Variants in CD2AP observed in about 807,000 individuals in gnomAD.
CD2AP encodes CD2 associated protein, also known as CD2-associated protein.
Under a neutral mutation model 85.1 loss-of-function variants are expected in CD2AP, and 46 were observed. The observed-to-expected ratio is 0.54, with a 90% CI of 0.43 to 0.69. The LOEUF is 0.69. Among genes scored for constraint, CD2AP ranks in the 30% least tolerant of loss-of-function variants. The pLI, the probability that CD2AP is intolerant of heterozygous loss-of-function variation, is 0.00. For synonymous variants in CD2AP, 255 were observed against 252.9 expected (o/e 1.01, Z -0.08); for missense variants, 769 against 729.5 (o/e 1.05, Z -0.62).
intron 12 of CD2AP, 102 bp downstream of exon 12, chr6:47,596,128 T>G (rs1306202162): frequency 3.6e-6 from 3 of 830,530 alleles, no homozygotes; most frequent in African/African-American, 3.5e-5. Flanking sequence ...TTTCTTATTT[T>G]TCAGTTATAT....
chr6:47,597,769 G>A (rs1433088337), intron 12 of CD2AP, among the ~76,000 whole-genome samples: 2 of 136,330 alleles, frequency 1.5e-5, no homozygotes, highest in African/African-American at 2.5e-5. Flanking sequence ...GTGCTTTTGA[G>A]TAAGAAGGCA....
At chr6:47,505,635 A>C (rs1476531040) in intron 2 of CD2AP, among the ~76,000 whole-genome samples, 6 of 100,276 alleles carry the variant, frequency 6.0e-5, no homozygotes, top group African/African-American at 7.2e-5. Context: ...GACCCCCCCC[A>C]CCTCCCTCCC....
At chr6:47,562,814 TG>T in intron 5 of CD2AP, 1 of 1,150,388 alleles carries the variant, frequency 8.7e-7, no homozygotes, top group Non-Finnish European at 1.3e-6. Context: ...GTCAAGTTGG[TG>T]GAGGCCCTTG....
In CD2AP at chr6:47,609,118, T is replaced by A. The variant is rs1769355060; in HGVS notation, c.1633-5T>A. ...AAATCAGAAATTTTTTTTTTACGTT[T>A]TCAGCCATCTGTGTACCTTTCAACA... On this transcript the variant is annotated splice_region_variant and splice_polypyrimidine_tract_variant and intron_variant, in intron 15 of 17. Transcript: ENST00000359314. 6.3e-7 allele frequency: 1 copy of A among 1,592,156 alleles called. No homozygotes were observed. Among genetic ancestry groups the A allele is most frequent in the Non-Finnish European group, 8.5e-7 (1 of 1,171,600 alleles).
chr6:47,601,622 T>C (rs1769137099), intron 13 of CD2AP, among the ~76,000 whole-genome samples: 1 of 152,032 alleles, frequency 6.6e-6, no homozygotes, highest in Non-Finnish European at 1.5e-5. Context: ...TCCTGCTACC[T>C]TTTTAAATTA....
At chr6:47,616,213 TCCCGG>T (rs962861128) in intron 17 of CD2AP, among the ~76,000 whole-genome samples, 39 of 149,024 alleles carry the variant, frequency 2.6e-4, no homozygotes, top group Admixed American at 1.4e-3. Context: ...TGCCTCAGCC[TCCCGG>T]GTAGCTAGGA....
At chr6:47,483,546 T>A (rs987394959) in intron 1 of CD2AP, among the ~76,000 whole-genome samples, 4 of 152,178 alleles carry the variant, frequency 2.6e-5, no homozygotes, top group Non-Finnish European at 5.9e-5. Context: ...AAAAGTGAGC[T>A]TAGTTATTGG....
At position 47,478,066 on chromosome 6, in the gene CD2AP, A is replaced by C; in HGVS notation, c.-179A>C. ...GCCTCTGCCTCGAGGGCCGCGCTGA[A>C]GAGACTGGTAGGAGAGCGCCGCGGG... On this transcript the variant is annotated 5_prime_UTR_variant, in exon 1 of 18. Transcript: ENST00000359314. The C allele has an allele frequency of 1.9e-5, 15 of 770,016 alleles. No individual in the cohort carries two copies. Among genetic ancestry groups the C allele is most frequent in the Admixed American group, 2.4e-5 (1 of 40,838 alleles). The allele number at this position is 770,016 out of a possible 1,614,324, so 47.7% of individuals were successfully genotyped here. A position where few individuals can be genotyped will look rare whatever the true frequency, so the allele number is the denominator to read the frequency against.
chr6:47,481,592 C>T (rs956852680), intron 1 of CD2AP, among the ~76,000 whole-genome samples: 2 of 152,048 alleles, frequency 1.3e-5, no homozygotes, highest in African/African-American at 4.8e-5. Context: ...GTGATCTGCC[C>T]GCTTTGGCCT....
chr6:47,610,687 T>C (rs894317280), intron 16 of CD2AP, among the ~76,000 whole-genome samples: 3 of 151,784 alleles, frequency 2.0e-5, no homozygotes, highest in African/African-American at 7.2e-5. Flanking sequence ...GTTTATAATT[T>C]AATACATGAT....
At chr6:47,613,441 C>T (rs956811436) in intron 17 of CD2AP, among the ~76,000 whole-genome samples, 1 of 152,060 alleles carries the variant, frequency 6.6e-6, no homozygotes, top group Non-Finnish European at 1.5e-5. Context: ...TCTCCTTGTT[C>T]ATTTCCATCA....
At chr6:47,492,347 C>CATTTTTT (rs1554167732) in intron 1 of CD2AP, among the ~76,000 whole-genome samples, 13 of 95,524 alleles carry the variant, frequency 1.4e-4, no homozygotes, top group Admixed American at 2.6e-4. Flanking sequence ...CACCTGTAAT[C>CATTTTTT]TTTTTTTTTT....
In CD2AP at chr6:47,608,015, G is replaced by A; in HGVS notation, c.1619G>A (p.Cys540Tyr). 1.2e-6 allele frequency: 2 copies of A among 1,610,610 alleles called. No homozygotes were observed. Among genetic ancestry groups the A allele is most frequent in the Non-Finnish European group, 1.7e-6 (2 of 1,177,212 alleles). ...LKPSELKKDT[C>Y]YSPKPSVYLS... ...CCATCTGAATTAAAAAAAGATACATGCTACTCTCCAAAGGTGAGGTGCATT... is the reference window on the plus strand; with the variant it reads ...CCATCTGAATTAAAAAAAGATACATACTACTCTCCAAAGGTGAGGTGCATT... Residue 540 changes from cysteine to tyrosine, a missense_variant, in exon 15 of 18, where the codon TGC becomes TAC. By Grantham distance (194) the Cys-to-Tyr change is radical. Transcript: ENST00000359314.
chr6:47,480,177 T>G (rs13192160), intron 1 of CD2AP, among the ~76,000 whole-genome samples: 38,120 of 152,044 alleles, frequency 0.25, 5,484 homozygotes, highest in East Asian at 0.6. Context: ...GCATTTGTGG[T>G]TAAGTTTTTG....
chr6:47,517,498 C>T (rs989590598), intron 2 of CD2AP, among the ~76,000 whole-genome samples: 2 of 152,020 alleles, frequency 1.3e-5, no homozygotes, highest in African/African-American at 4.8e-5. Flanking sequence ...CCATGTTGCC[C>T]AGGCTGGTCT....
rs147312611 is a variant in CD2AP, at chr6:47,499,889, C to T, written c.5-3391C>T. Among the ~76,000 whole-genome samples the T allele has an allele frequency of 7.9e-3, 1,200 of 152,112 alleles. 13 individuals are homozygous for T. The highest frequency in any genetic ancestry group is 0.027 in the African/African-American group (1,120 of 41,488). ...GACTACAGGCATATGCCACCACGCC[C>T]GGCTAATTTTTGTATTTTTAGTAGA... On this transcript the variant is annotated intron_variant, in intron 1 of 17. Coordinates refer to ENST00000359314, the MANE Select transcript of CD2AP (RefSeq NM_012120.3).
chr6:47,596,141 A>T, intron 12 of CD2AP, 115 bp downstream of exon 12: 1 of 763,420 alleles, frequency 1.3e-6, no homozygotes, highest in Non-Finnish European at 2.3e-6. Context: ...AGTTATATTT[A>T]TTTTTAAAAT....
At chr6:47,580,699 T>C (rs923604196) in intron 9 of CD2AP, among the ~76,000 whole-genome samples, 165 bp from the exon 10 acceptor site, 1 of 152,210 alleles carries the variant, frequency 6.6e-6, no homozygotes, top group African/African-American at 2.4e-5. Flanking sequence ...TTTGTTGTCA[T>C]TGACTTTTTG....
At chr6:47,486,284 T>G (rs532306592) in intron 1 of CD2AP, among the ~76,000 whole-genome samples, 1 of 152,196 alleles carries the variant, frequency 6.6e-6, no homozygotes, top group Non-Finnish European at 1.5e-5. Context: ...TCACAACCCC[T>G]GGGTTCTGAC....
Sources: gnomAD v4.1 joint callset for allele counts (sites outside exome capture counted in the v4.1 genomes callset) on GRCh38, gnomAD v4.1.1 for gene constraint, MANE v1.5 for transcripts, NCBI Gene and HGNC (gene_info 2026-07-23, HGNC 2026-07-21) for gene names.